Variants in ZNF839 observed in about 807,000 individuals in gnomAD.
The protein encoded by ZNF839 is zinc finger protein 839, also known as renal carcinoma antigen NY-REN-50.
ZNF839 carries 38 observed loss-of-function variants against 56.4 expected under a neutral mutation model. The ratio of observed to expected loss-of-function variants is 0.67; its 90% CI spans 0.52 to 0.88. ZNF839 has a LOEUF of 0.88. Ranked by LOEUF, ZNF839 falls within the 40% of genes least tolerant of loss-of-function variation. The pLI, the probability that ZNF839 is intolerant of heterozygous loss-of-function variation, is 0.00. For missense variants in ZNF839, 1,091 were observed against 1,177.6 expected (o/e 0.93, Z 1.08); for synonymous variants, 486 against 493.5 (o/e 0.98, Z 0.20).
At chr14:102,336,354 G>C (rs922630980) in intron 5 of ZNF839, among the ~76,000 whole-genome samples, 1 of 152,004 alleles carries the variant, frequency 6.6e-6, no homozygotes, top group Non-Finnish European at 1.5e-5. Flanking sequence ...GAGTGCAGTG[G>C]TGTGATCTCA....
rs890464589 is a variant in ZNF839, at chr14:102,332,637, C to T, written c.1416+791C>T. Reference sequence around the variant, plus strand: ...CAAAACTGTCAGTTGAGGCCGGGCACGGTGGCTCACACCTGTAATCCCAGC... The same window carrying T: ...CAAAACTGTCAGTTGAGGCCGGGCATGGTGGCTCACACCTGTAATCCCAGC... On this transcript the variant is annotated intron_variant, in intron 3 of 7. Transcript: ENST00000442396. This position sits in a 1 kb window ranked among gnomAD's most constrained non-coding sequence, Gnocchi z 4.9. Among the ~76,000 whole-genome samples, 4 of 151,270 alleles carry T rather than the reference C, an allele frequency of 2.6e-5. No homozygotes were observed. Among genetic ancestry groups the T allele is most frequent in the Non-Finnish European group, 5.9e-5 (4 of 67,878 alleles).
In ZNF839 at chr14:102,338,819, G is replaced by A. The variant is rs1217237152; in HGVS notation, c.1663G>A (p.Ala555Thr). The A allele has an allele frequency of 3.1e-6, 5 of 1,613,628 alleles. No individual in the cohort carries two copies. The highest frequency in any genetic ancestry group is 4.2e-6 in the Non-Finnish European group (5 of 1,179,806). Residue 555 changes from alanine (A) to threonine (T), a missense_variant, in exon 6 of 8, where the codon GCT becomes ACT. Physicochemically the swap from Ala to Thr is moderately conservative, Grantham distance 58. This residue lies in a region of ZNF839 where 46 missense variants were observed against 80.4 expected (regional missense o/e 0.57). Transcript: ENST00000442396. ...ETLEINNDKV[A>T]ESLGITEFLR... is the part of the protein sequence containing the mutation. Reference sequence around the variant, plus strand: ...CTCTTGGCCCATTTCTTTTCAGGTTGCTGAGTCATTAGGAATCACAGAATT... The same window carrying A: ...CTCTTGGCCCATTTCTTTTCAGGTTACTGAGTCATTAGGAATCACAGAATT...
Position 102,326,152 on chromosome 14 carries a change from G to T in ZNF839, c.456G>T (p.Arg152Ser). The T allele has an allele frequency of 2.5e-6, 4 of 1,613,768 alleles. No homozygotes were observed. The highest frequency in any genetic ancestry group is 2.5e-6 in the Non-Finnish European group (3 of 1,179,800). Residue 152 changes from arginine (R) to serine (S), a missense_variant, in exon 2 of 8, where the codon AGG becomes AGT. Arg to Ser is a moderately radical substitution (Grantham distance 110, BLOSUM62 -1). Coordinates refer to ENST00000442396, the MANE Select transcript of ZNF839 (RefSeq NM_018335.6). This position sits in a 1 kb window ranked among gnomAD's most constrained non-coding sequence, Gnocchi z 4.3. ...GLHIASPQLL[R>S]VQPLVRTEPQ... ...ATATCGCCAGCCCTCAGCTGCTCAG[G>T]GTACAGCCGCTTGTGAGAACCGAGC...
Position 102,319,962 on chromosome 14 carries a change from C to T in ZNF839, c.197C>T (p.Ala66Val). The T allele has an allele frequency of 8.6e-7, 1 of 1,159,388 alleles. No individual in the cohort carries two copies. Among genetic ancestry groups the T allele is most frequent in the Non-Finnish European group, 1.1e-6 (1 of 945,398 alleles). The allele number at this position is 1,159,388 out of a possible 1,614,324, so 71.8% of individuals were successfully genotyped here. A position where few individuals can be genotyped will look rare whatever the true frequency, so the allele number is the denominator to read the frequency against. ...CCCCCCTTCGTGCTGCGGGACGCGG[C>T]GCGGCGGCTGCGGGACGCGGCCCAA... ...PPPPFVLRDA[A>V]RRLRDAAQQA... The change falls in exon 1 of 8, where the codon GCG becomes GTG. Residue 66 changes from alanine to valine, a missense_variant. By Grantham distance (64) the Ala-to-Val change is moderately conservative. This residue lies in a region of ZNF839 where 614 missense variants were observed against 629.2 expected (regional missense o/e 0.98). Transcript: ENST00000442396. This position sits in a 1 kb window ranked among gnomAD's most constrained non-coding sequence, Gnocchi z 4.5.
At position 102,326,896 on chromosome 14, in the gene ZNF839, TC is replaced by T; in HGVS notation, c.1191+10del. On this transcript the variant is annotated intron_variant, in intron 2 of 7. Transcript: ENST00000442396. This position sits in a 1 kb window ranked among gnomAD's most constrained non-coding sequence, Gnocchi z 4.3. ...CACGCGGTGGCCTGCAGGTAATGTT[TC>T]TGTCTGGGTATGTGTCTTTTTATTT... 1 of 1,585,146 alleles carries T rather than the reference TC, an allele frequency of 6.3e-7. No homozygotes were observed. The highest frequency in any genetic ancestry group is 8.6e-7 in the Non-Finnish European group (1 of 1,162,986).
chr14:102,322,538 G>A (rs985337299), intron 1 of ZNF839, among the ~76,000 whole-genome samples: 1 of 152,198 alleles, frequency 6.6e-6, no homozygotes, highest in South Asian at 2.1e-4. Context: ...TCCTCAAACA[G>A]TAGGGTTTAG....
chr14:102,319,923 C>A lies in ZNF839; in HGVS notation c.158C>A (p.Pro53Gln). The change falls in exon 1 of 8, where the codon CCG becomes CAG. Residue 53 changes from proline to glutamine, a missense_variant. Physicochemically the swap from Pro to Gln is moderately conservative, Grantham distance 76. Around this residue, in one of 3 missense-constraint regions of ZNF839, gnomAD observed 614 missense variants for 629.2 expected, o/e 0.98. Coordinates refer to ENST00000442396, the MANE Select transcript of ZNF839 (RefSeq NM_018335.6). The surrounding 1 kb of genome is among the most constrained non-coding windows in gnomAD (Gnocchi z 4.5). ...CTGGAGCAGGTGACGAAGGCGCAGC[C>A]GCCGCCGCCGCCGCCCCCCTTCGTG... The part of the protein sequence containing the change: ...QVLEQVTKAQ[P>Q]PPPPPPFVLR... 1.7e-6 allele frequency: 2 copies of A among 1,176,132 alleles called. No homozygotes were observed. The highest frequency in any genetic ancestry group is 2.1e-6 in the Non-Finnish European group (2 of 945,016). 72.9% of individuals were successfully genotyped at this position (1,176,132 alleles called of 1,614,324 possible).
chr14:102,322,483 A>T (rs970965551), intron 1 of ZNF839, among the ~76,000 whole-genome samples: 2 of 152,366 alleles, frequency 1.3e-5, no homozygotes, highest in Admixed American at 6.5e-5. Context: ...GCCAGTGAGG[A>T]TAGAGGATAA....
At chr14:102,335,871 T>G in intron 5 of ZNF839, 33 bp downstream of exon 5, 3 of 1,604,866 alleles carry the variant, frequency 1.9e-6, no homozygotes, top group Non-Finnish European at 2.5e-6. Context: ...AGAGTTTTGC[T>G]CATAGAGTTA....
At chr14:102,328,291 T>C (rs2073529509) in intron 2 of ZNF839, among the ~76,000 whole-genome samples, 1 of 139,944 alleles carries the variant, frequency 7.1e-6, no homozygotes, top group Non-Finnish European at 1.5e-5. Flanking sequence ...GAGGTGGAGG[T>C]TGCAGTGAGC....
Position 102,341,677 on chromosome 14 carries a change from C to T in ZNF839, c.2282C>T (p.Pro761Leu). ...GGTGGTGGAGCAGAGTCCCTGCCGCCTGGGGGGCCTGGACATGCAGAGGCA... is the reference window on the plus strand; with the variant it reads ...GGTGGTGGAGCAGAGTCCCTGCCGCTTGGGGGGCCTGGACATGCAGAGGCA... Reference protein sequence around the residue: ...SSGGGAESLPPGGPGHAEAGH... With the variant: ...SSGGGAESLPLGGPGHAEAGH... Residue 761 changes from proline (P) to leucine (L), a missense_variant, in exon 8 of 8, where the codon CCT (proline) becomes CTT (leucine). Coordinates refer to ENST00000442396, the MANE Select transcript of ZNF839 (RefSeq NM_018335.6). 6.2e-7 allele frequency: 1 copy of T among 1,614,004 alleles called. No individual in the cohort carries two copies. The highest frequency in any genetic ancestry group is 8.5e-7 in the Non-Finnish European group (1 of 1,179,884).
intron 4 of ZNF839, chr14:102,335,369 C>T (rs549670515): frequency 3.9e-6 from 1 of 254,704 alleles, no homozygotes; most frequent in Admixed American, 5.2e-5. Context: ...GTGCCCCACA[C>T]TCCCTCTGGA....
chr14:102,331,397 C>T (rs975356824), intron 2 of ZNF839: 16 of 454,636 alleles, frequency 3.5e-5, no homozygotes, highest in Middle Eastern at 6.2e-4. Context: ...TACAGGCGCG[C>T]GCCACCGCGC....
At chr14:102,334,820 G>T in intron 4 of ZNF839, 174 bp downstream of exon 4, 1 of 272,174 alleles carries the variant, frequency 3.7e-6, no homozygotes, top group Non-Finnish European at 6.7e-6. Context: ...GTAGCTCACT[G>T]CAGCCTCAAA....
chr14:102,324,263 C>T (rs1189890214), intron 1 of ZNF839, among the ~76,000 whole-genome samples: 1 of 152,018 alleles, frequency 6.6e-6, no homozygotes, highest in Non-Finnish European at 1.5e-5. Flanking sequence ...ACATGGGTAA[C>T]GCCGGGCACG....
chr14:102,331,996 A>T (rs544762780), intron 3 of ZNF839, 150 bp downstream of exon 3: 76 of 686,234 alleles, frequency 1.1e-4, no homozygotes, highest in Admixed American at 6.0e-4. Context: ...ATCTGAACTA[A>T]TTCGTACTCT....
Position 102,337,272 on chromosome 14 carries a change from G to GATTCTCCCA in ZNF839, c.1659+1435_1659+1443dup, listed in dbSNP as rs1885867895. On this transcript the variant is annotated intron_variant, in intron 5 of 7. Coordinates refer to ENST00000442396, the MANE Select transcript of ZNF839 (RefSeq NM_018335.6). ...GCAACCTCCCCTCCTGGGTTCAAGCGATTCTCCCACCTCAGCCTCCTGAGT... is the reference window on the plus strand; with the variant it reads ...GCAACCTCCCCTCCTGGGTTCAAGCGATTCTCCCAATTCTCCCACCTCAGCCTCCTGAGT... The GATTCTCCCA allele has an allele frequency of 1.3e-5, 2 of 151,352 alleles. 1 individual carries two copies. The highest frequency in any genetic ancestry group is 2.9e-5 in the Non-Finnish European group (2 of 67,890). 9.4% of individuals were successfully genotyped at this position (151,352 alleles called of 1,614,324 possible).
intron 1 of ZNF839, 118 bp from the exon 2 acceptor site, chr14:102,325,867 T>G: frequency 8.3e-7 from 1 of 1,198,664 alleles, no homozygotes; most frequent in Non-Finnish European, 1.2e-6. Flanking sequence ...CATCAACTTT[T>G]ATATGTAAGA....
intron 5 of ZNF839, chr14:102,336,600 T>G: frequency 2.5e-6 from 1 of 401,226 alleles, no homozygotes; most frequent in Non-Finnish European, 4.9e-6. Context: ...CGGTCCCCAG[T>G]TTTTTTTTTC....
Sources: gnomAD v4.1 joint callset for allele counts (sites outside exome capture counted in the v4.1 genomes callset) on GRCh38, gnomAD v4.1.1 for gene constraint, gnomAD v4.1.1 regional missense constraint, Gnocchi (gnomAD v3.1) non-coding constraint, MANE v1.5 for transcripts, NCBI Gene and HGNC (gene_info 2026-07-23, HGNC 2026-07-21) for gene names.